Variants in ZNF570 observed in about 807,000 individuals in gnomAD.
The protein encoded by ZNF570 is zinc finger protein 570.
In ZNF570, 8 loss-of-function variants were observed where a neutral mutation model predicts 14.2. That is an observed-to-expected ratio of 0.56 (90% CI 0.33 to 1.02). The LOEUF is 1.02. Ranked by LOEUF, ZNF570 falls within the 50% of genes least tolerant of loss-of-function variation. ZNF570 has a pLI of 0.03. For missense variants in ZNF570, 559 were observed against 624.9 expected (o/e 0.89, Z 1.12); for synonymous variants, 202 against 207.6 (o/e 0.97, Z 0.23).
chr19:37,470,838 G>C (rs996222072), intron 2 of ZNF570, among the ~76,000 whole-genome samples: 1 of 142,784 alleles, frequency 7.0e-6, no homozygotes, highest in African/African-American at 2.6e-5. Context: ...TAGCTGGGAC[G>C]ATAGGTGTGC....
In ZNF570 at chr19:37,473,585, G is replaced by T. The variant is rs534247695; in HGVS notation, c.34-2296G>T. On this transcript the variant is annotated intron_variant, in intron 2 of 4. Transcript: ENST00000330173. The stretch of plus-strand genomic sequence containing the variant: ...AACAGTTGAGGTATAGGAGGTAGAA[G>T]TCAGAGTGGGATAATTGAGGTTATG... Among the ~76,000 whole-genome samples, 25 of 152,200 alleles carry T rather than the reference G, an allele frequency of 1.6e-4. No individual in the cohort carries two copies. In the East Asian group the frequency reaches 4.8e-3, roughly 29 times the overall value.
Position 37,484,446 on chromosome 19 carries a change from A to C in ZNF570, c.824A>C (p.Glu275Ala). 3 of 1,614,088 alleles carry C rather than the reference A, an allele frequency of 1.9e-6. No homozygotes were observed. Among genetic ancestry groups the C allele is most frequent in the Non-Finnish European group, 2.5e-6 (3 of 1,179,990 alleles). Residue 275 changes from glutamate (E) to alanine (A), a missense_variant, in exon 5 of 5, where the codon GAA becomes GCA. Coordinates refer to ENST00000330173, the MANE Select transcript of ZNF570 (RefSeq NM_144694.5). ...ATTCATACTGGAGAAAAACCCTATG[A>C]ATGTAAGGAATGTAGGAAAGCCTTC... ...QRIHTGEKPYECKECRKAFSQ... is the reference protein window; with the variant it reads ...QRIHTGEKPYACKECRKAFSQ...
chr19:37,468,309 G>A (rs11668662), upstream of ZNF570, among the ~76,000 whole-genome samples: 1 of 152,080 alleles, frequency 6.6e-6, no homozygotes, highest in African/African-American at 2.4e-5. Context: ...GGCTGCTCTC[G>A]AACTCCTGAG....
intron 2 of ZNF570, among the ~76,000 whole-genome samples, chr19:37,471,009 AT>A (rs764609936): frequency 0.21 from 18,104 of 84,214 alleles, 1,485 homozygotes; most frequent in African/African-American, 0.32. Context: ...CAGTGAGTAC[AT>A]TTTTTTTTTT....
At chr19:37,476,054 C>G (rs372084837) in intron 3 of ZNF570, 47 bp downstream of exon 3, 28 of 1,563,248 alleles carry the variant, frequency 1.8e-5, no homozygotes, top group Middle Eastern at 3.7e-4. Flanking sequence ...AAAAGGGGCT[C>G]TTTGCTACCA....
At position 37,471,009 on chromosome 19, in the gene ZNF570, A is replaced by ATTTTTTTTTTTTTTTTTTTT. The variant is rs764609936; in HGVS notation, c.33+623_33+642dup. Among the ~76,000 whole-genome samples the ATTTTTTTTTTTTTTTTTTTT allele has an allele frequency of 9.5e-4, 80 of 84,384 alleles. 11 individuals carry two copies. Among genetic ancestry groups the ATTTTTTTTTTTTTTTTTTTT allele is most frequent in the African/African-American group, 4.3e-3 (74 of 17,356 alleles). 55.4% of individuals were successfully genotyped at this position (84,384 alleles called of 152,430 possible). A position where few individuals can be genotyped will look rare whatever the true frequency, so the allele number is the denominator to read the frequency against. On this transcript the variant is annotated intron_variant, in intron 2 of 4. Transcript: ENST00000330173. ...GCTACCATGCCTGGCCAGTGAGTACATTTTTTTTTTTTTTTTTTTTGTTGA... is the reference window on the plus strand; with the variant it reads ...GCTACCATGCCTGGCCAGTGAGTACATTTTTTTTTTTTTTTTTTTTTTTTTTTTTTTTTTTTTTTTGTTGA...
Position 37,471,009 on chromosome 19 carries a change from A to ATTTTTTTTTTTTTTTTT in ZNF570, c.33+626_33+642dup, listed in dbSNP as rs764609936. On this transcript the variant is annotated intron_variant, in intron 2 of 4. Transcript: ENST00000330173. ...GCTACCATGCCTGGCCAGTGAGTAC[A>ATTTTTTTTTTTTTTTTT]TTTTTTTTTTTTTTTTTTTTGTTGA... Among the ~76,000 whole-genome samples, 138 of 84,382 alleles carry ATTTTTTTTTTTTTTTTT rather than the reference A, an allele frequency of 1.6e-3. 8 individuals are homozygous for ATTTTTTTTTTTTTTTTT. The highest frequency in any genetic ancestry group is 3.9e-3 in the African/African-American group (67 of 17,360). The allele number at this position is 84,382 out of a possible 152,430, so 55.4% of individuals were successfully genotyped here.
At chr19:37,467,781 T>C (rs750791461), upstream of ZNF570, 27 of 1,133,794 alleles carry the variant, frequency 2.4e-5, no homozygotes, top group Non-Finnish European at 3.3e-5. Context: ...CGAGAGACCC[T>C]GTCCAGTGAC....
intron 1 of ZNF570, chr19:37,469,792 G>C: frequency 1.7e-6 from 1 of 579,114 alleles, no homozygotes; most frequent in South Asian, 2.0e-5. Flanking sequence ...ATGGGAAAGG[G>C]TGCCCGTGTG....
intron 4 of ZNF570, among the ~76,000 whole-genome samples, chr19:37,478,432 A>G (rs949477415): frequency 6.6e-6 from 1 of 152,098 alleles, no homozygotes; most frequent in South Asian, 2.1e-4. Context: ...AACCTTGCCA[A>G]TCTCTCCTGT....
chr19:37,468,556 C>T (rs996975883), upstream of ZNF570, among the ~76,000 whole-genome samples: 4 of 152,156 alleles, frequency 2.6e-5, no homozygotes, highest in South Asian at 4.1e-4. Flanking sequence ...AGTGCAGTGG[C>T]GCGATCTCGG....
At chr19:37,470,676 G>A (rs1313248893) in intron 2 of ZNF570, among the ~76,000 whole-genome samples, 3 of 149,100 alleles carry the variant, frequency 2.0e-5, no homozygotes, top group African/African-American at 7.4e-5. Flanking sequence ...GTAATGTGGT[G>A]AGTACATTCT....
chr19:37,484,720 A>C lies in ZNF570; in HGVS notation c.1098A>C (p.Ala366=). 6.2e-7 allele frequency: 1 copy of C among 1,613,968 alleles called. No individual in the cohort carries two copies. Among genetic ancestry groups the C allele is most frequent in the East Asian group, 2.2e-5 (1 of 44,846 alleles). Reference sequence around the variant, plus strand: ...ATGAATGTAATGTCTGTGGGAAAGCATTTAGCCTTCGTGCATACCTTACTG... The same window carrying C: ...ATGAATGTAATGTCTGTGGGAAAGCCTTTAGCCTTCGTGCATACCTTACTG... ...KPYECNVCGK[A]FSLRAYLTVH... is the part of the protein sequence containing the mutation. Residue 366 remains alanine, a synonymous_variant, in exon 5 of 5, where the codon GCA becomes GCC. Coordinates refer to ENST00000330173, the MANE Select transcript of ZNF570 (RefSeq NM_144694.5).
Position 37,488,484 on chromosome 19 carries a change from A to C in ZNF570, c.*3251A>C, listed in dbSNP as rs2042179013. On this transcript the variant is annotated 3_prime_UTR_variant, in exon 5 of 5. Transcript: ENST00000330173. ...CAACTGAGATTGGGGAAAGGATGCA[A>C]ATGAAAATACCTTTAATTATTCATT... 6.6e-6 allele frequency: 1 copy of C among 152,204 alleles called. No individual in the cohort carries two copies. The allele number at this position is 152,204 out of a possible 1,614,324, so 9.4% of individuals were successfully genotyped here.
At chr19:37,479,736 T>C (rs1268351852) in intron 4 of ZNF570, among the ~76,000 whole-genome samples, 2 of 152,174 alleles carry the variant, frequency 1.3e-5, no homozygotes, top group Non-Finnish European at 2.9e-5. Context: ...ATATTATTGT[T>C]ACTCTCTTTA....
Position 37,481,779 on chromosome 19 carries a change from A to G in ZNF570, c.257-2100A>G, listed in dbSNP as rs558388925. ...ACTCCAGTTACATGTGCCTAAGACC[A>G]GACTCACCAGGGATAAATTGATGCT... On this transcript the variant is annotated intron_variant, in intron 4 of 4. Coordinates refer to ENST00000330173, the MANE Select transcript of ZNF570 (RefSeq NM_144694.5). 6.2e-4 allele frequency among the ~76,000 whole-genome samples: 95 copies of G among 152,322 alleles called. No homozygotes were observed. In the East Asian group the frequency reaches 0.017, roughly 27 times the overall value.
At chr19:37,468,385 C>G (rs1314190944), upstream of ZNF570, among the ~76,000 whole-genome samples, 1 of 152,148 alleles carries the variant, frequency 6.6e-6, no homozygotes, top group African/African-American at 2.4e-5. Flanking sequence ...CGCACGGGGC[C>G]GGTCTTAATA....
upstream of ZNF570, chr19:37,469,333 C>G (rs571690316): frequency 3.2e-5 from 46 of 1,417,936 alleles, no homozygotes; most frequent in African/African-American, 5.2e-4. Context: ...TTTGTGTCCT[C>G]CGGGGGCGGA....
In ZNF570 at chr19:37,485,413, T is replaced by A; in HGVS notation, c.*180T>A. 1 of 610,240 alleles carries A rather than the reference T, an allele frequency of 1.6e-6. No homozygotes were observed. The highest frequency in any genetic ancestry group is 2.6e-6 in the Non-Finnish European group (1 of 390,636). 37.8% of individuals were successfully genotyped at this position (610,240 alleles called of 1,614,324 possible). A position where few individuals can be genotyped will look rare whatever the true frequency, so the allele number is the denominator to read the frequency against. ...CACTCAAACGGATCTTTTTTTTCTT[T>A]TTTTTTCTTTTTGAGACAATGTCTT... On this transcript the variant is annotated 3_prime_UTR_variant, in exon 5 of 5. Transcript: ENST00000330173.
Sources: allele counts gnomAD v4.1 joint callset (sites outside exome capture counted in the v4.1 genomes callset), GRCh38; gene constraint gnomAD v4.1.1; transcripts MANE v1.5; gene names NCBI Gene and HGNC (gene_info 2026-07-23, HGNC 2026-07-21).